The following PPP1R8 variants were observed in gnomAD, a reference collection of about 807,000 sequenced individuals.
PPP1R8 encodes the protein protein phosphatase 1 regulatory subunit 8.
Under a neutral mutation model 31.3 loss-of-function variants are expected in PPP1R8, and 4 were observed. The ratio of observed to expected loss-of-function variants is 0.13; its 90% CI spans 0.06 to 0.29. The LOEUF (loss-of-function observed/expected upper bound fraction) is 0.29. PPP1R8 is among the 10% of genes least tolerant of loss of function. The pLI, the probability that PPP1R8 is intolerant of heterozygous loss-of-function variation, is 1.00. For synonymous variants in PPP1R8, 170 were observed against 169.7 expected, an observed-to-expected ratio of 1.00 and a Z score of -0.01; for missense variants, 254 against 440.1, an observed-to-expected ratio of 0.58 and a Z score of 3.78.
Position 27,841,011 on chromosome 1 carries a change from C to A in PPP1R8, c.272-3C>A. ...CTTACGTTTCTGATTTGGTTATTCC[C>A]AGCACACGGCACTTTCTTGGGTCAC... On this transcript the variant is annotated splice_region_variant and splice_polypyrimidine_tract_variant and intron_variant, in intron 3 of 6. Transcript: ENST00000311772. 6.2e-7 allele frequency: 1 copy of A among 1,613,998 alleles called. No individual in the cohort carries two copies. The highest frequency in any genetic ancestry group is 8.5e-7 in the Non-Finnish European group (1 of 1,179,978).
At position 27,844,975 on chromosome 1, in the gene PPP1R8, C is replaced by T. The variant is rs1257491454; in HGVS notation, c.637+1645C>T. Among the ~76,000 whole-genome samples, 11 of 131,056 alleles carry T rather than the reference C, an allele frequency of 8.4e-5. No individual in the cohort carries two copies. The East Asian group carries it at 1.2e-3, about 14-fold the overall frequency. The allele number at this position is 131,056 out of a possible 152,430, so 86.0% of individuals were successfully genotyped here. On this transcript the variant is annotated intron_variant, in intron 5 of 6. Coordinates refer to ENST00000311772, the MANE Select transcript of PPP1R8 (RefSeq NM_014110.5). ...GTCTCGATCTCCTGACCTCGTGATC[C>T]GCCCGCCTCGGCCTCCTAAAGTGCT...
intron 2 of PPP1R8, among the ~76,000 whole-genome samples, chr1:27,835,330 T>C (rs1403107442): frequency 6.6e-6 from 1 of 152,186 alleles, no homozygotes; most frequent in Non-Finnish European, 1.5e-5. Flanking sequence ...CAAATAACTA[T>C]TACCTAGAGA....
chr1:27,845,315 A>G (rs12741213), intron 5 of PPP1R8, among the ~76,000 whole-genome samples: 150,492 of 150,504 alleles, frequency 1, 75,240 homozygotes, highest in Middle Eastern at 1. Flanking sequence ...GCGTGAACCC[A>G]GGAGGCGGAG....
rs569584790 is a variant in PPP1R8 at position 27,846,483 on chromosome 1, G to A, written c.638-545G>A. Among the ~76,000 whole-genome samples the A allele has an allele frequency of 3.9e-5, 6 of 152,346 alleles. No homozygotes were observed. In the South Asian group the frequency reaches 8.3e-4, roughly 21 times the overall value. On this transcript the variant is annotated intron_variant, in intron 5 of 6. Transcript: ENST00000311772. ...GTCTTGCTTATATACAGTTCAGGCC[G>A]TTCAAGTCAAAAGGCCAGGTTCAGT... is the stretch of plus-strand genomic sequence containing the variant.
rs540932213 is a variant in PPP1R8, at chr1:27,849,345, T to C, written c.703-748T>C. Among the ~76,000 whole-genome samples, 3 of 136,078 alleles carry C rather than the reference T, an allele frequency of 2.2e-5. No individual in the cohort carries two copies. The Admixed American group carries it at 2.4e-4, about 11-fold the overall frequency. The allele number at this position is 136,078 out of a possible 152,430, so 89.3% of individuals were successfully genotyped here. On this transcript the variant is annotated intron_variant, in intron 6 of 6. Transcript: ENST00000311772. Reference sequence around the variant, plus strand: ...GAGATCGAGCCATTACACTCCAGCCTGGGCAACAAGAGTGAAACTCTGTCT... The same window carrying C: ...GAGATCGAGCCATTACACTCCAGCCCGGGCAACAAGAGTGAAACTCTGTCT...
At chr1:27,846,893 C>A in intron 5 of PPP1R8, 135 bp from the exon 6 acceptor site, 2 of 727,760 alleles carry the variant, frequency 2.7e-6, no homozygotes, top group East Asian at 2.6e-5. Context: ...GCACAATGCC[C>A]AGCACCCAGG....
chr1:27,840,824 A>T (rs1490403716), intron 3 of PPP1R8, among the ~76,000 whole-genome samples, 190 bp from the exon 4 acceptor site: 1 of 152,150 alleles, frequency 6.6e-6, no homozygotes, highest in African/African-American at 2.4e-5. Flanking sequence ...TTCATTTTTT[A>T]AAAAGCTGGA....
chr1:27,841,106 A>G lies in PPP1R8; in HGVS notation c.364A>G (p.Arg122Gly). 6.2e-7 allele frequency: 1 copy of G among 1,614,188 alleles called. No individual in the cohort carries two copies. Among genetic ancestry groups the G allele is most frequent in the Non-Finnish European group, 8.5e-7 (1 of 1,180,028 alleles). ...CACGGTCTCATTTGGCGCATCCACAAGGGCATACACTCTGCGCGAGAAGCC... is the reference window on the plus strand; with the variant it reads ...CACGGTCTCATTTGGCGCATCCACAGGGGCATACACTCTGCGCGAGAAGCC... Reference protein sequence around the residue: ...DSTVSFGASTRAYTLREKPQT... With the variant: ...DSTVSFGASTGAYTLREKPQT... The change falls in exon 4 of 7, where the codon AGG (arginine) becomes GGG (glycine). Residue 122 changes from arginine (R) to glycine (G), a missense_variant. Transcript: ENST00000311772.
chr1:27,834,330 A>G (rs919597364), intron 2 of PPP1R8: 2 of 459,942 alleles, frequency 4.3e-6, no homozygotes, highest in African/African-American at 2.0e-5. Flanking sequence ...TCAAGTTACA[A>G]TCCTTAGACA....
rs968326401 is a variant in PPP1R8, at chr1:27,839,892, T to G, written c.271+1040T>G. Reference sequence around the variant, plus strand: ...TGAGCAATGTAATGAGACCCGCGTCTCTACAAAAAAATACAAAAAGTAGCC... The same window carrying G: ...TGAGCAATGTAATGAGACCCGCGTCGCTACAAAAAAATACAAAAAGTAGCC... On this transcript the variant is annotated intron_variant, in intron 3 of 6. Transcript: ENST00000311772. Among the ~76,000 whole-genome samples, 4 of 151,922 alleles carry G rather than the reference T, an allele frequency of 2.6e-5. No homozygotes were observed. In the South Asian group the frequency reaches 6.2e-4, roughly 24 times the overall value.
In PPP1R8 at chr1:27,847,029, G is replaced by A. The variant is rs748304420; in HGVS notation, c.639G>A (p.Glu213=). 11 of 1,613,866 alleles carry A rather than the reference G, an allele frequency of 6.8e-6. No homozygotes were observed. The highest frequency in any genetic ancestry group is 7.6e-6 in the Non-Finnish European group (9 of 1,179,902). Residue 213 remains glutamate, a splice_region_variant and synonymous_variant, in exon 6 of 7, where the codon GAG becomes GAA. Transcript: ENST00000311772. The part of the protein sequence containing the change: ...FSEDDEIINP[E]DVDPSVGRFR... ...CCCTGCCCTCTTCTCTTTTTGCAGA[G>A]GATGTGGATCCCTCAGTTGGTCGAT... is the stretch of plus-strand genomic sequence containing the variant.
intron 5 of PPP1R8, among the ~76,000 whole-genome samples, chr1:27,846,141 A>G (rs1338380528): frequency 6.6e-6 from 1 of 152,096 alleles, no homozygotes; most frequent in African/African-American, 2.4e-5. Context: ...AGATGACAAC[A>G]TCTATTAGGG....
chr1:27,845,783 C>CTTTCTTTTTTTTTTTTTT (rs1213199027), intron 5 of PPP1R8, among the ~76,000 whole-genome samples: 1 of 91,834 alleles, frequency 1.1e-5, no homozygotes, highest in African/African-American at 5.0e-5. Context: ...TTCTTTCTTT[C>CTTTCTTTTTTTTTTTTTT]TTTTTTTTTT....
chr1:27,831,684 G>C (rs1273173530), intron 1 of PPP1R8, among the ~76,000 whole-genome samples: 1 of 152,124 alleles, frequency 6.6e-6, no homozygotes, highest in African/African-American at 2.4e-5. Flanking sequence ...GCCTGAGTCA[G>C]GCACATAGTA....
intron 3 of PPP1R8, among the ~76,000 whole-genome samples, chr1:27,840,581 T>G (rs774454215): frequency 6.6e-6 from 1 of 152,142 alleles, no homozygotes; most frequent in Non-Finnish European, 1.5e-5. Context: ...AAAACTACAG[T>G]GATGTCCAGC....
intron 1 of PPP1R8, chr1:27,831,104 G>A (rs1435081194): frequency 1.5e-6 from 2 of 1,356,352 alleles, no homozygotes; most frequent in Non-Finnish European, 1.9e-6. Context: ...CCCGGGGTTG[G>A]GGGCTCAAAG....
rs1338396196 is a variant in PPP1R8, at chr1:27,830,871, G to T, written c.36G>T (p.Pro12=). Reference sequence around the variant, plus strand: ...CCGCGAACTCCGGCTCTAGCCTCCCGCTGTTCGACTGCCCAACCTGGTGAG... The same window carrying T: ...CCGCGAACTCCGGCTCTAGCCTCCCTCTGTTCGACTGCCCAACCTGGTGAG... ...AAAANSGSSL[P]LFDCPTWAGK... Residue 12 remains proline, a synonymous_variant, in exon 1 of 7, where the codon CCG becomes CCT. Coordinates refer to ENST00000311772, the MANE Select transcript of PPP1R8 (RefSeq NM_014110.5). 3 of 1,573,294 alleles carry T rather than the reference G, an allele frequency of 1.9e-6. No homozygotes were observed. The highest frequency in any genetic ancestry group is 1.7e-6 in the Non-Finnish European group (2 of 1,160,290).
In PPP1R8 at chr1:27,844,699, ATTTCT is replaced by A. The variant is rs1486118395; in HGVS notation, c.637+1373_637+1377del. On this transcript the variant is annotated intron_variant, in intron 5 of 6. Coordinates refer to ENST00000311772, the MANE Select transcript of PPP1R8 (RefSeq NM_014110.5). ...ATTTGGGAACCACTGGACTAGACAAATTTCTTTTTTTTTTTTTTTTTTTTTTTTGA... is the reference window on the plus strand; with the variant it reads ...ATTTGGGAACCACTGGACTAGACAAATTTTTTTTTTTTTTTTTTTTTTTGA... 1.8e-4 allele frequency among the ~76,000 whole-genome samples: 21 copies of A among 117,844 alleles called. No homozygotes were observed. The East Asian group carries it at 4.7e-3, about 26-fold the overall frequency. The allele number at this position is 117,844 out of a possible 152,430, so 77.3% of individuals were successfully genotyped here.
chr1:27,836,703 C>A (rs1417636955), intron 2 of PPP1R8, among the ~76,000 whole-genome samples: 2 of 152,104 alleles, frequency 1.3e-5, no homozygotes, highest in African/African-American at 4.8e-5. Flanking sequence ...CAGGTTTGAG[C>A]CACCGCACCC....
Sources: gnomAD v4.1 joint callset for allele counts (sites outside exome capture counted in the v4.1 genomes callset) on GRCh38, gnomAD v4.1.1 for gene constraint, MANE v1.5 for transcripts, NCBI Gene and HGNC (gene_info 2026-07-23, HGNC 2026-07-21) for gene names.